The following TTC6 variants were observed in gnomAD, a reference collection of about 807,000 sequenced individuals.
TTC6 encodes the protein tetratricopeptide repeat domain 6.
In TTC6, 172 loss-of-function variants were observed where a neutral mutation model predicts 210.4. The observed-to-expected ratio is 0.82, with a 90% CI of 0.72 to 0.93. The LOEUF is 0.93. TTC6 is among the 40% of genes least tolerant of loss of function. The probability of loss-of-function intolerance (pLI) is 0.00; values close to 1 mark genes in which losing one functional copy is unlikely to be tolerated. For synonymous variants in TTC6, 804 were observed against 819.6 expected, an observed-to-expected ratio of 0.98 and a Z score of 0.32; for missense variants, 2,414 against 2,318.1, an observed-to-expected ratio of 1.04 and a Z score of -0.85.
intron 1 of TTC6, among the ~76,000 whole-genome samples, chr14:37,642,235 GA>G (rs2095693225): frequency 1.3e-5 from 2 of 152,190 alleles, no homozygotes; most frequent in South Asian, 4.1e-4. Flanking sequence ...GGGTCAGCAA[GA>G]ACCAAGGATT....
intron 1 of TTC6, among the ~76,000 whole-genome samples, chr14:37,674,395 A>C (rs1438583666): frequency 6.6e-6 from 1 of 152,120 alleles, no homozygotes; most frequent in Non-Finnish European, 1.5e-5. Context: ...ATAATGTCAA[A>C]TTATGATGGT....
chr14:37,678,207 C>G (rs577022194), intron 1 of TTC6, among the ~76,000 whole-genome samples: 1 of 152,202 alleles, frequency 6.6e-6, no homozygotes, highest in East Asian at 1.9e-4. Flanking sequence ...TATTTTAAAG[C>G]ATTGTTAATG....
At chr14:37,752,109 G>A (rs1334037362) in intron 13 of TTC6, among the ~76,000 whole-genome samples, 2 of 152,052 alleles carry the variant, frequency 1.3e-5, no homozygotes, top group Non-Finnish European at 2.9e-5. Flanking sequence ...ACAGGCGTGA[G>A]CCACCGTGCC....
At chr14:37,785,056 T>G (rs1024255404) in intron 14 of TTC6, among the ~76,000 whole-genome samples, 3 of 152,206 alleles carry the variant, frequency 2.0e-5, no homozygotes, top group Non-Finnish European at 4.4e-5. Context: ...CACTTAAGAT[T>G]TTTTCCTTCA....
At chr14:37,726,834 T>G (rs1306049207) in intron 7 of TTC6, among the ~76,000 whole-genome samples, 2 of 152,142 alleles carry the variant, frequency 1.3e-5, no homozygotes, top group Non-Finnish European at 2.9e-5. Flanking sequence ...AGCTATGTAT[T>G]TAGTTGAGAT....
intron 1 of TTC6, among the ~76,000 whole-genome samples, chr14:37,662,198 G>C (rs571500183): frequency 8.5e-5 from 13 of 152,110 alleles, no homozygotes; most frequent in Non-Finnish European, 1.5e-4. Flanking sequence ...TGTTAAATAG[G>C]AGTGGTGAGA....
intron 2 of TTC6, among the ~76,000 whole-genome samples, chr14:37,607,966 T>C (rs942474269): frequency 3.3e-5 from 5 of 152,218 alleles, no homozygotes; most frequent in Admixed American, 3.3e-4. Flanking sequence ...TGTAATTTGA[T>C]TGATGAAAAT....
chr14:37,747,348 T>C (rs1170842129), intron 10 of TTC6, among the ~76,000 whole-genome samples: 1 of 152,158 alleles, frequency 6.6e-6, no homozygotes, highest in Non-Finnish European at 1.5e-5. Context: ...ATTTGGAGGT[T>C]ATGATAAAGG....
chr14:37,749,619 A>C (rs2139023090), intron 11 of TTC6, 95 bp from the exon 14 acceptor site: 1 of 1,057,058 alleles, frequency 9.5e-7, no homozygotes, highest in Non-Finnish European at 1.2e-6. Context: ...GTACATACAA[A>C]GCCACTGGGA....
intron 24 of TTC6, among the ~76,000 whole-genome samples, chr14:37,811,603 T>G (rs2096129709): frequency 6.6e-6 from 1 of 152,212 alleles, no homozygotes; most frequent in African/African-American, 2.4e-5. Context: ...AGGATGCTTC[T>G]AGTACCTGGT....
intron 3 of TTC6, among the ~76,000 whole-genome samples, chr14:37,686,223 C>T (rs187635554): frequency 6.6e-4 from 101 of 152,244 alleles, no homozygotes; most frequent in Middle Eastern, 3.4e-3. Context: ...AGGATAATGA[C>T]AGTGCCCACC....
intron 1 of TTC6, among the ~76,000 whole-genome samples, chr14:37,656,041 G>C (rs1351312990): frequency 6.6e-6 from 1 of 152,114 alleles, no homozygotes; most frequent in Non-Finnish European, 1.5e-5. Context: ...CTAATCTCTT[G>C]TTAGTTATCT....
intron 3 of TTC6, among the ~76,000 whole-genome samples, chr14:37,687,485 T>G (rs932681720): frequency 6.6e-6 from 1 of 152,138 alleles, no homozygotes; most frequent in African/African-American, 2.4e-5. Context: ...TGCAACCTAC[T>G]GAGACACCAG....
rs768345230 is a variant in TTC6 at position 37,807,331 on chromosome 14, C to G, written c.4326C>G (p.Ser1442Arg). 2.6e-5 allele frequency: 40 copies of G among 1,524,870 alleles called. 1 individual carries two copies. The South Asian group carries it at 4.8e-4, about 18-fold the overall frequency. The allele number at this position is 1,524,870 out of a possible 1,614,324, so 94.5% of individuals were successfully genotyped here. Reference sequence around the variant, plus strand: ...CTCTCTCTGAATAGGCATATTTAAGCCGAGTAGCATTCTATGGTTTAAAAG... The same window carrying G: ...CTCTCTCTGAATAGGCATATTTAAGGCGAGTAGCATTCTATGGTTTAAAAG... Residue 1442 changes from serine to arginine, a missense_variant, in exon 23 of 31, where the codon AGC becomes AGG. Coordinates refer to ENST00000553443, the Ensembl canonical transcript of TTC6.
chr14:37,812,486 A>G (rs1478099278), intron 25 of TTC6, 53 bp downstream of exon 27: 2 of 1,481,674 alleles, frequency 1.3e-6, no homozygotes, highest in East Asian at 2.5e-5. Flanking sequence ...ACTTCTGAGA[A>G]CTAGTGAACA....
chr14:37,636,560 T>G (rs1240927998), intron 1 of TTC6, among the ~76,000 whole-genome samples: 1 of 147,860 alleles, frequency 6.8e-6, no homozygotes, highest in Non-Finnish European at 1.5e-5. Context: ...ATAAAAAAAA[T>G]TGAGCTGCTT....
chr14:37,608,342 T>C (rs767898830), intron 2 of TTC6, among the ~76,000 whole-genome samples: 4 of 152,026 alleles, frequency 2.6e-5, no homozygotes, highest in Non-Finnish European at 5.9e-5. Context: ...CAGGATCTCA[T>C]TGTGGCACCG....
At chr14:37,830,414 C>G (rs1443740980) in intron 29 of TTC6, among the ~76,000 whole-genome samples, 1 of 150,950 alleles carries the variant, frequency 6.6e-6, no homozygotes, top group Admixed American at 6.6e-5. Context: ...ATTTTTTTTT[C>G]TGTTTCATTG....
At chr14:37,673,986 T>C (rs2095763648) in intron 1 of TTC6, among the ~76,000 whole-genome samples, 2 of 152,176 alleles carry the variant, frequency 1.3e-5, no homozygotes, top group Non-Finnish European at 2.9e-5. Flanking sequence ...TTACAGTTTA[T>C]AACTCAGGGA....
Sources: gnomAD v4.1 joint callset for allele counts (sites outside exome capture counted in the v4.1 genomes callset) on GRCh38, gnomAD v4.1.1 for gene constraint, MANE v1.5 for transcripts, NCBI Gene and HGNC (gene_info 2026-07-23, HGNC 2026-07-21) for gene names.